The following NSUN2 variants were observed in gnomAD, a reference collection of about 807,000 sequenced individuals.
NSUN2 encodes NOP2/Sun RNA methyltransferase 2, also known as RNA cytosine C(5)-methyltransferase NSUN2.
Under a neutral mutation model 92.7 loss-of-function variants are expected in NSUN2, and 63 were observed. The observed-to-expected ratio is 0.68, with a 90% CI of 0.56 to 0.84. NSUN2 has a LOEUF of 0.84. NSUN2 is among the 40% of genes least tolerant of loss of function. The pLI is 0.00. For missense variants in NSUN2, 989 were observed against 964.9 expected (o/e 1.02, Z -0.33); for synonymous variants, 356 against 348.3 (o/e 1.02, Z -0.25).
In NSUN2 at chr5:6,633,036, T is replaced by C. The variant is rs1294641700; in HGVS notation, c.-57A>G. ...AACCGGCCCGCCACGGCCAGAACTC[T>C]AGCCCTACACCTCCCGGGACTTCCG... On this transcript the variant is annotated 5_prime_UTR_variant, in exon 1 of 19. Coordinates refer to ENST00000264670, the MANE Select transcript of NSUN2 (RefSeq NM_017755.6). 9 of 1,384,042 alleles carry C rather than the reference T, an allele frequency of 6.5e-6. No individual in the cohort carries two copies. Among genetic ancestry groups the C allele is most frequent in the African/African-American group, 1.5e-5 (1 of 65,484 alleles). 85.7% of individuals were successfully genotyped at this position (1,384,042 alleles called of 1,614,324 possible). A position where few individuals can be genotyped will look rare whatever the true frequency, so the allele number is the denominator to read the frequency against.
intron 14 of NSUN2, 70 bp downstream of exon 14, chr5:6,606,750 G>T (rs1412838222): frequency 1.2e-6 from 1 of 829,430 alleles, no homozygotes; most frequent in Non-Finnish European, 2.0e-6. Flanking sequence ...GGTTACATGT[G>T]ATCAGTTGTA....
intron 12 of NSUN2, among the ~76,000 whole-genome samples, chr5:6,608,769 T>A (rs1480933345): frequency 6.6e-6 from 1 of 152,250 alleles, no homozygotes; most frequent in Non-Finnish European, 1.5e-5. Context: ...GCCACAAGCC[T>A]GTGGTCACTG....
At chr5:6,613,513 T>C (rs1286716010) in intron 9 of NSUN2, among the ~76,000 whole-genome samples, 1 of 152,198 alleles carries the variant, frequency 6.6e-6, no homozygotes, top group Non-Finnish European at 1.5e-5. Context: ...AAAGCTAAAA[T>C]GATTCCAAAA....
At chr5:6,605,088 C>T (rs1736709900) in intron 15 of NSUN2, 185 bp downstream of exon 15, 3 of 779,836 alleles carry the variant, frequency 3.8e-6, no homozygotes, top group Admixed American at 5.0e-5. Flanking sequence ...AGGACTCTGG[C>T]AGGAACCATT....
chr5:6,619,512 T>C (rs983809002), intron 7 of NSUN2, among the ~76,000 whole-genome samples: 1 of 152,222 alleles, frequency 6.6e-6, no homozygotes, highest in Admixed American at 6.5e-5. Flanking sequence ...GTTTCTTTCC[T>C]TTTAAAAAAA....
Position 6,599,637 on chromosome 5 carries a change from A to C in NSUN2, c.*289T>G. ...GGCAGTTTTGTTTCTTGATAGAAGTACAACTTTTGAAAGTCTATTCCCAGC... is the reference window on the plus strand; with the variant it reads ...GGCAGTTTTGTTTCTTGATAGAAGTCCAACTTTTGAAAGTCTATTCCCAGC... On this transcript the variant is annotated 3_prime_UTR_variant, in exon 19 of 19. Coordinates refer to ENST00000264670, the MANE Select transcript of NSUN2 (RefSeq NM_017755.6). 1 of 349,166 alleles carries C rather than the reference A, an allele frequency of 2.9e-6. No homozygotes were observed. Among genetic ancestry groups the C allele is most frequent in the East Asian group, 4.9e-5 (1 of 20,420 alleles). 21.6% of individuals were successfully genotyped at this position (349,166 alleles called of 1,614,324 possible). A position where few individuals can be genotyped will look rare whatever the true frequency, so the allele number is the denominator to read the frequency against.
chr5:6,625,595 A>C lies in NSUN2; in HGVS notation c.434T>G (p.Phe145Cys). ...TGTTTCACTAACTAGAAACTGATGA[A>C]ACTTTTCCAAGTGTGGCGATTTTCT... ...ILRKSPHLEK[F>C]HQFLVSETES... Residue 145 changes from phenylalanine (F) to cysteine (C), a missense_variant, in exon 4 of 19, where the codon TTT (phenylalanine) becomes TGT (cysteine). By Grantham distance (205) the Phe-to-Cys change is radical. This residue lies in a region of NSUN2 where 356 missense variants were observed against 338.6 expected (regional missense o/e 1.05). Coordinates refer to ENST00000264670, the MANE Select transcript of NSUN2 (RefSeq NM_017755.6). 1 of 1,614,150 alleles carries C rather than the reference A, an allele frequency of 6.2e-7. No homozygotes were observed.
At position 6,625,747 on chromosome 5, in the gene NSUN2, T is replaced by C. The variant is rs1278288000; in HGVS notation, c.360-78A>G. On this transcript the variant is annotated intron_variant, in intron 3 of 18. Coordinates refer to ENST00000264670, the MANE Select transcript of NSUN2 (RefSeq NM_017755.6). The stretch of plus-strand genomic sequence containing the variant: ...GTTGACAACTTTGTGCTTCTATCAG[T>C]CGCATGCCAAATGAGACTTCGAATG... 1.8e-5 allele frequency: 17 copies of C among 970,316 alleles called. 1 individual carries two copies. Among genetic ancestry groups the C allele is most frequent in the African/African-American group, 3.2e-5 (2 of 61,662 alleles). 60.1% of individuals were successfully genotyped at this position (970,316 alleles called of 1,614,324 possible).
At position 6,599,799 on chromosome 5, in the gene NSUN2, T is replaced by A; in HGVS notation, c.*127A>T. On this transcript the variant is annotated 3_prime_UTR_variant, in exon 19 of 19. Coordinates refer to ENST00000264670, the MANE Select transcript of NSUN2 (RefSeq NM_017755.6). ...CAGAAGGCTCCTATGATCCCACCAG[T>A]CTGCAGTCATTAGAAATATATGCTT... 1 of 779,992 alleles carries A rather than the reference T, an allele frequency of 1.3e-6. No individual in the cohort carries two copies. Among genetic ancestry groups the A allele is most frequent in the Non-Finnish European group, 2.1e-6 (1 of 472,454 alleles). The allele number at this position is 779,992 out of a possible 1,614,324, so 48.3% of individuals were successfully genotyped here.
At chr5:6,632,058 G>A (rs1454549147) in intron 2 of NSUN2, 81 bp from the exon 3 acceptor site, 31 of 1,194,556 alleles carry the variant, frequency 2.6e-5, no homozygotes, top group African/African-American at 4.6e-5. Flanking sequence ...AAGACTGCAA[G>A]TGTTTTAAAA....
rs768643097 is a variant in NSUN2, at chr5:6,630,330, T to C, written c.359+1543A>G. ...TATTCTTTTTTCCCTTTTTGAGACA[T>C]GGTCTCGCTCTGTGGCCCAGGCTGG... is the stretch of plus-strand genomic sequence containing the variant. On this transcript the variant is annotated intron_variant, in intron 3 of 18. Transcript: ENST00000264670. 9.9e-5 allele frequency among the ~76,000 whole-genome samples: 15 copies of C among 152,236 alleles called. No homozygotes were observed. The East Asian group carries it at 2.1e-3, about 22-fold the overall frequency.
chr5:6,629,177 G>A (rs1737769918), intron 3 of NSUN2, among the ~76,000 whole-genome samples: 1 of 152,210 alleles, frequency 6.6e-6, no homozygotes, highest in South Asian at 2.1e-4. Flanking sequence ...ATAGCTGGCT[G>A]TTGGCAGAGA....
chr5:6,610,796 G>T (rs1269097797), intron 11 of NSUN2, among the ~76,000 whole-genome samples, 159 bp downstream of exon 11: 2 of 152,090 alleles, frequency 1.3e-5, no homozygotes, highest in African/African-American at 4.8e-5. Flanking sequence ...AGCCATACTG[G>T]CTGGGAAGTT....
chr5:6,632,897 T>C lies in NSUN2; in HGVS notation c.83A>G (p.Lys28Arg). The C allele has an allele frequency of 6.5e-7, 1 of 1,530,298 alleles. No homozygotes were observed. 94.8% of individuals were successfully genotyped at this position (1,530,298 alleles called of 1,614,324 possible). ...CCCGGCTCCTACCGCCTCGCCGCGC[T>C]TTCCACCACCCTCGGCGCCATCCTC... Reference protein sequence around the residue: ...DAEDGAEGGGKRGEAGWEGGY... With the variant: ...DAEDGAEGGGRRGEAGWEGGY... Residue 28 changes from lysine (K) to arginine (R), a missense_variant, in exon 1 of 19, where the codon AAG becomes AGG. Around this residue, in one of 3 missense-constraint regions of NSUN2, gnomAD observed 356 missense variants for 338.6 expected, o/e 1.05. Coordinates refer to ENST00000264670, the MANE Select transcript of NSUN2 (RefSeq NM_017755.6).
intron 18 of NSUN2, 137 bp from the exon 19 acceptor site, chr5:6,600,369 C>T: frequency 1.3e-6 from 1 of 757,020 alleles, no homozygotes; most frequent in Non-Finnish European, 2.1e-6. Context: ...ACTGGGAGGA[C>T]ATTTCATCTG....
intron 17 of NSUN2, among the ~76,000 whole-genome samples, chr5:6,603,264 A>G (rs918559965): frequency 8.5e-5 from 13 of 152,280 alleles, no homozygotes; most frequent in Non-Finnish European, 1.5e-5. Flanking sequence ...ATATAAAAGC[A>G]GCAATATGAC....
intron 7 of NSUN2, 99 bp downstream of exon 7, chr5:6,620,007 A>T: frequency 9.6e-7 from 1 of 1,038,528 alleles, no homozygotes; most frequent in Non-Finnish European, 1.4e-6. Context: ...CCCAAGACTT[A>T]TGTACAATTG....
At chr5:6,630,833 G>A (rs1276729829) in intron 3 of NSUN2, among the ~76,000 whole-genome samples, 3 of 152,176 alleles carry the variant, frequency 2.0e-5, no homozygotes, top group East Asian at 1.9e-4. Context: ...AGTGGCTCAC[G>A]CCTGTAATCC....
intron 11 of NSUN2, 48 bp from the exon 12 acceptor site, chr5:6,609,970 T>C (rs1323783716): frequency 1.6e-6 from 2 of 1,273,150 alleles, no homozygotes; most frequent in Non-Finnish European, 1.1e-6. Flanking sequence ...CAAAAATGCA[T>C]TCTTTTACTA....
Sources: allele counts gnomAD v4.1 joint callset (sites outside exome capture counted in the v4.1 genomes callset), GRCh38; gene constraint gnomAD v4.1.1; regional missense constraint gnomAD v4.1.1; transcripts MANE v1.5; gene names NCBI Gene and HGNC (gene_info 2026-07-23, HGNC 2026-07-21).